Variants in DSCAM observed in about 807,000 individuals in gnomAD.
DSCAM encodes cell adhesion molecule DSCAM.
DSCAM carries 47 observed loss-of-function variants against 217.7 expected under a neutral mutation model. The observed-to-expected ratio is 0.22, with a 90% CI of 0.17 to 0.28. The LOEUF (loss-of-function observed/expected upper bound fraction) is 0.28, where lower values mean the gene tolerates loss of function less well. DSCAM is among the 10% of genes least tolerant of loss of function. The pLI is 1.00. For synonymous variants in DSCAM, 1,056 were observed against 1,015.3 expected (o/e 1.04, Z -0.76); for missense variants, 2,080 against 2,618.3 (o/e 0.79, Z 4.49).
intron 3 of DSCAM, among the ~76,000 whole-genome samples, chr21:40,465,926 C>T (rs2075841345): frequency 6.6e-6 from 1 of 151,988 alleles, no homozygotes. Context: ...ATCTGCAGAT[C>T]TGTTTGTTTT....
intron 3 of DSCAM, among the ~76,000 whole-genome samples, chr21:40,611,352 C>T (rs1311877881): frequency 2.0e-5 from 3 of 151,940 alleles, no homozygotes; most frequent in East Asian, 1.9e-4. Context: ...CCACTGTGCC[C>T]GGCCTAGTTT....
At chr21:40,112,169 A>C (rs1238074862) in intron 20 of DSCAM, among the ~76,000 whole-genome samples, 1 of 147,708 alleles carries the variant, frequency 6.8e-6, no homozygotes, top group Non-Finnish European at 1.5e-5. Context: ...CTTGGAAGTA[A>C]AGCTCTCCTC....
At chr21:40,515,797 TATTTA>T (rs1428736764) in intron 3 of DSCAM, among the ~76,000 whole-genome samples, 1 of 152,150 alleles carries the variant, frequency 6.6e-6, no homozygotes, top group African/African-American at 2.4e-5. Flanking sequence ...CTTCAAACAA[TATTTA>T]ATTATTATGA....
chr21:40,805,715 T>C (rs567502729), intron 1 of DSCAM, among the ~76,000 whole-genome samples: 1 of 110,694 alleles, frequency 9.0e-6, no homozygotes, highest in East Asian at 2.3e-4. Context: ...TTCTTTTCTT[T>C]TCTTTTTTTT....
intron 3 of DSCAM, among the ~76,000 whole-genome samples, chr21:40,685,938 A>G (rs533061879): frequency 1.3e-5 from 1 of 75,276 alleles, no homozygotes; most frequent in Non-Finnish European, 3.1e-5. Flanking sequence ...GAGGCAAACA[A>G]AAACAAAAAC....
intron 3 of DSCAM, among the ~76,000 whole-genome samples, chr21:40,530,953 C>A (rs1416658797): frequency 7.1e-6 from 1 of 140,618 alleles, no homozygotes; most frequent in Non-Finnish European, 1.5e-5. Context: ...ATCCATCCAT[C>A]CATCCATCCA....
At chr21:40,518,700 A>G (rs2076335515) in intron 3 of DSCAM, among the ~76,000 whole-genome samples, 1 of 144,556 alleles carries the variant, frequency 6.9e-6, no homozygotes, top group Non-Finnish European at 1.5e-5. Context: ...ATGTATATAT[A>G]TATACACACA....
rs71332310 is a variant in DSCAM at position 40,845,540 on chromosome 21, C to CCTCTCTCTCTCTCTCTCT, written c.43+1061_43+1078dup. 2.6e-3 allele frequency among the ~76,000 whole-genome samples: 364 copies of CCTCTCTCTCTCTCTCTCT among 138,932 alleles called. 2 individuals are homozygous for CCTCTCTCTCTCTCTCTCT. Among genetic ancestry groups the CCTCTCTCTCTCTCTCTCT allele is most frequent in the East Asian group, 7.0e-3 (33 of 4,692 alleles). The allele number at this position is 138,932 out of a possible 152,430, so 91.1% of individuals were successfully genotyped here. A position where few individuals can be genotyped will look rare whatever the true frequency, so the allele number is the denominator to read the frequency against. ...CTCTTCTTTTACCTTCTCTTCTTCT[C>CCTCTCTCTCTCTCTCTCT]CTCTCTCTCTCTCTCTCTCTCTCTC... On this transcript the variant is annotated intron_variant, in intron 1 of 32. Transcript: ENST00000400454.
chr21:40,706,512 A>T (rs2837786), intron 2 of DSCAM, among the ~76,000 whole-genome samples: 15,479 of 152,266 alleles, frequency 0.1, 924 homozygotes, highest in Admixed American at 0.17. Context: ...CAAGGGAAAG[A>T]TTATGAAGTC....
intron 3 of DSCAM, among the ~76,000 whole-genome samples, chr21:40,663,430 A>G (rs760870152): frequency 4.6e-5 from 7 of 151,036 alleles, no homozygotes; most frequent in Non-Finnish European, 8.9e-5. Context: ...TGTTGCCGGC[A>G]CTCTCCTCCC....
intron 11 of DSCAM, among the ~76,000 whole-genome samples, chr21:40,204,945 G>T (rs553622506): frequency 8.5e-5 from 13 of 152,326 alleles, no homozygotes; most frequent in African/African-American, 2.9e-4. Flanking sequence ...ACATTTGCAG[G>T]AATACATTCC....
At chr21:40,594,317 G>A (rs1205014889) in intron 3 of DSCAM, among the ~76,000 whole-genome samples, 2 of 152,216 alleles carry the variant, frequency 1.3e-5, no homozygotes, top group Admixed American at 1.3e-4. Context: ...TCCCTGGAAG[G>A]TAACCAGCAG....
rs2074066309 is a variant in DSCAM, at chr21:40,125,560, C to T, written c.3563-1232G>A. Among the ~76,000 whole-genome samples the T allele has an allele frequency of 1.3e-5, 2 of 152,256 alleles. 1 individual carries two copies. The highest frequency in any genetic ancestry group is 2.9e-5 in the Non-Finnish European group (2 of 68,046). Reference sequence around the variant, plus strand: ...AGTTGAATGTGCTTCTCATAATCGTCACCTTGACTCTTCTAAGTCTGCATA... The same window carrying T: ...AGTTGAATGTGCTTCTCATAATCGTTACCTTGACTCTTCTAAGTCTGCATA... On this transcript the variant is annotated intron_variant, in intron 19 of 32. Coordinates refer to ENST00000400454, the MANE Select transcript of DSCAM (RefSeq NM_001389.5).
intron 3 of DSCAM, among the ~76,000 whole-genome samples, chr21:40,563,031 C>T (rs1339822371): frequency 6.6e-6 from 1 of 152,056 alleles, no homozygotes; most frequent in Non-Finnish European, 1.5e-5. Flanking sequence ...GAGACAATCG[C>T]CCGGATTTGC....
chr21:40,827,332 G>C (rs2091976890), intron 1 of DSCAM, among the ~76,000 whole-genome samples: 1 of 151,928 alleles, frequency 6.6e-6, no homozygotes, highest in Non-Finnish European at 1.5e-5. Flanking sequence ...AGCTGGACGT[G>C]GTGGTGCAGC....
chr21:40,458,118 A>G (rs916473613), intron 3 of DSCAM, among the ~76,000 whole-genome samples: 1 of 152,236 alleles, frequency 6.6e-6, no homozygotes, highest in African/African-American at 2.4e-5. Flanking sequence ...GACCCAGTAT[A>G]CAACGAAAGA....
At chr21:40,044,342 G>T in intron 30 of DSCAM, 67 bp from the exon 31 acceptor site, 1 of 1,510,442 alleles carries the variant, frequency 6.6e-7, no homozygotes, top group Admixed American at 2.0e-5. Context: ...AGCAAGCGTA[G>T]AGGTCAGTGC....
intron 10 of DSCAM, among the ~76,000 whole-genome samples, chr21:40,295,570 G>C (rs549175081): frequency 6.6e-6 from 1 of 152,126 alleles, no homozygotes; most frequent in Non-Finnish European, 1.5e-5. Flanking sequence ...AGGAGATGAC[G>C]TGTAATCTGT....
chr21:40,355,963 A>T (rs1272725110), intron 4 of DSCAM, among the ~76,000 whole-genome samples: 2 of 152,218 alleles, frequency 1.3e-5, no homozygotes, highest in African/African-American at 2.4e-5. Flanking sequence ...GCAAATGGGA[A>T]GATTTGCTTC....
Sources: gnomAD v4.1 joint callset for allele counts (sites outside exome capture counted in the v4.1 genomes callset) on GRCh38, gnomAD v4.1.1 for gene constraint, MANE v1.5 for transcripts, NCBI Gene and HGNC (gene_info 2026-07-23, HGNC 2026-07-21) for gene names.